The following TRPC4 variants were observed in gnomAD, a reference collection of about 807,000 sequenced individuals.
The protein encoded by TRPC4 is transient receptor potential cation channel subfamily C member 4, also known as short transient receptor potential channel 4.
A neutral mutation model predicts 99.4 loss-of-function variants in TRPC4; 49 were observed. The observed-to-expected ratio is 0.49, with a 90% CI of 0.39 to 0.63. TRPC4 has a LOEUF of 0.63. Ranked by LOEUF, TRPC4 falls within the 20% of genes least tolerant of loss-of-function variation. The pLI is 0.00. For synonymous variants in TRPC4, 454 were observed against 425.9 expected, an observed-to-expected ratio of 1.07 and a Z score of -0.81; for missense variants, 898 against 1,152.9, an observed-to-expected ratio of 0.78 and a Z score of 3.20.
intron 2 of TRPC4, 30 bp from the exon 3 acceptor site, chr13:37,746,485 T>C (rs1593646142): frequency 6.4e-7 from 1 of 1,554,790 alleles, no homozygotes; most frequent in Non-Finnish European, 8.7e-7. Context: ...AGGTGATGAA[T>C]ATTTATTCTT....
chr13:37,868,161 A>G (rs1350520070), intron 1 of TRPC4, among the ~76,000 whole-genome samples: 1 of 151,758 alleles, frequency 6.6e-6, no homozygotes, highest in Non-Finnish European at 1.5e-5. Context: ...CCTTTTGGAA[A>G]TAAGTGCAAC....
chr13:37,729,358 G>A, intron 3 of TRPC4, among the ~76,000 whole-genome samples: 1 of 151,964 alleles, frequency 6.6e-6, no homozygotes, highest in Non-Finnish European at 1.5e-5. Flanking sequence ...TGGAGAAATG[G>A]GTACCCTCAT....
intron 1 of TRPC4, among the ~76,000 whole-genome samples, chr13:37,836,449 A>G (rs1313888496): frequency 6.6e-6 from 1 of 152,118 alleles, no homozygotes; most frequent in Non-Finnish European, 1.5e-5. Flanking sequence ...GCTGATAGTG[A>G]TATGGACAAT....
chr13:37,736,896 T>TTC (rs1555264565), intron 3 of TRPC4, among the ~76,000 whole-genome samples: 2 of 43,358 alleles, frequency 4.6e-5, no homozygotes, highest in Non-Finnish European at 1.4e-4. Flanking sequence ...GCCTGGCTAA[T>TTC]TTTTTTTTTT....
At chr13:37,641,730 A>AAC (rs1951718668) in intron 8 of TRPC4, among the ~76,000 whole-genome samples, 1 of 152,110 alleles carries the variant, frequency 6.6e-6, no homozygotes, top group African/African-American at 2.4e-5. Flanking sequence ...CTGGGTTTGA[A>AAC]GCTGACTGTG....
At position 37,817,748 on chromosome 13, in the gene TRPC4, T is replaced by A. The variant is rs113649671; in HGVS notation, c.-27-34388A>T. ...AAAAAGGCTGCACACCTACAACTAT[T>A]CAATCTTTGACAAATCAGACAAAAA... On this transcript the variant is annotated intron_variant, in intron 1 of 10. Coordinates refer to ENST00000379705, the MANE Select transcript of TRPC4 (RefSeq NM_016179.4). 6.6e-5 allele frequency among the ~76,000 whole-genome samples: 10 copies of A among 151,952 alleles called. No homozygotes were observed. In the East Asian group the frequency reaches 1.9e-3, roughly 29 times the overall value.
At position 37,633,466 on chromosome 13, in the gene TRPC4, A is replaced by G. The variant is rs1951436473; in HGVS notation, c.*3437T>C. On this transcript the variant is annotated 3_prime_UTR_variant, in exon 11 of 11. Transcript: ENST00000379705. ...CTTCAATAAAGAGCTGTGAGACTGG[A>G]TAGTCATTTACTCAGCTAAATCCCA... 2.6e-5 allele frequency among the ~76,000 whole-genome samples: 4 copies of G among 152,278 alleles called. No homozygotes were observed. In the South Asian group the frequency reaches 8.3e-4, roughly 32 times the overall value.
Position 37,844,792 on chromosome 13 carries a change from A to G in TRPC4, c.-28+24803T>C, listed in dbSNP as rs55669449. On this transcript the variant is annotated intron_variant, in intron 1 of 10. Transcript: ENST00000379705. ...ACCGTGATACTCTTCTTCAGCTCAC[A>G]TTAAGCCAGCAGGCAAGTCTAAGTC... 6.7e-3 allele frequency among the ~76,000 whole-genome samples: 1,021 copies of G among 152,342 alleles called. 14 individuals are homozygous for G. Among genetic ancestry groups the G allele is most frequent in the African/African-American group, 0.023 (966 of 41,566 alleles).
chr13:37,859,500 A>G (rs533019391), intron 1 of TRPC4, among the ~76,000 whole-genome samples: 3 of 151,572 alleles, frequency 2.0e-5, no homozygotes, highest in Non-Finnish European at 4.4e-5. Flanking sequence ...CAAAAAGAAA[A>G]CACACATTAA....
chr13:37,843,379 A>C (rs1242486553), intron 1 of TRPC4, among the ~76,000 whole-genome samples: 1 of 152,188 alleles, frequency 6.6e-6, no homozygotes, highest in Non-Finnish European at 1.5e-5. Flanking sequence ...TAAACTTCAC[A>C]TGCTTTTAGC....
intron 2 of TRPC4, among the ~76,000 whole-genome samples, chr13:37,759,186 G>C (rs1341349948): frequency 1.3e-5 from 2 of 151,754 alleles, no homozygotes; most frequent in Non-Finnish European, 2.9e-5. Context: ...TGAAAAAGCA[G>C]TTCATTTACT....
intron 1 of TRPC4, among the ~76,000 whole-genome samples, chr13:37,815,304 A>G (rs905219976): frequency 6.6e-6 from 1 of 151,898 alleles, no homozygotes; most frequent in African/African-American, 2.4e-5. Flanking sequence ...TAAATGTCTC[A>G]CTCAAAAGGC....
chr13:37,827,166 A>G (rs1203221380), intron 1 of TRPC4, among the ~76,000 whole-genome samples: 1 of 151,864 alleles, frequency 6.6e-6, no homozygotes, highest in East Asian at 1.9e-4. Flanking sequence ...TTCTAGTTAT[A>G]CATTCTTCTA....
intron 4 of TRPC4, among the ~76,000 whole-genome samples, chr13:37,683,992 C>G (rs1419501486): frequency 6.6e-6 from 1 of 151,942 alleles, no homozygotes; most frequent in Non-Finnish European, 1.5e-5. Flanking sequence ...TATAAGGTGG[C>G]CAAGGAGAGT....
chr13:37,777,390 T>A (rs934828755), intron 2 of TRPC4, among the ~76,000 whole-genome samples: 1 of 151,784 alleles, frequency 6.6e-6, no homozygotes, highest in Admixed American at 6.6e-5. Flanking sequence ...AAGGGGGAGC[T>A]ACTACACACT....
At chr13:37,744,674 A>T (rs1015201113) in intron 3 of TRPC4, among the ~76,000 whole-genome samples, 1 of 152,162 alleles carries the variant, frequency 6.6e-6, no homozygotes, top group Non-Finnish European at 1.5e-5. Context: ...GGCCAAATTC[A>T]AAAGAAACTG....
intron 1 of TRPC4, among the ~76,000 whole-genome samples, chr13:37,839,675 T>C (rs1422040356): frequency 6.6e-6 from 1 of 152,112 alleles, no homozygotes; most frequent in Non-Finnish European, 1.5e-5. Context: ...AACCTGGGGA[T>C]TACAGATATT....
intron 1 of TRPC4, among the ~76,000 whole-genome samples, chr13:37,862,296 C>T (rs1423262934): frequency 6.6e-6 from 1 of 151,410 alleles, no homozygotes; most frequent in South Asian, 2.1e-4. Context: ...GACTGTAACA[C>T]CAAAAATCCA....
intron 3 of TRPC4, among the ~76,000 whole-genome samples, chr13:37,693,472 A>C (rs1213000503): frequency 6.6e-6 from 1 of 152,218 alleles, no homozygotes; most frequent in Non-Finnish European, 1.5e-5. Context: ...GGCTTACTCT[A>C]TAAGCAAACT....
Sources: gnomAD v4.1 joint callset for allele counts (sites outside exome capture counted in the v4.1 genomes callset) on GRCh38, gnomAD v4.1.1 for gene constraint, MANE v1.5 for transcripts, NCBI Gene and HGNC (gene_info 2026-07-23, HGNC 2026-07-21) for gene names.